PRKCA: variants seen among roughly 807,000 people sequenced by gnomAD.
PRKCA encodes the protein protein kinase C alpha type.
PRKCA carries 27 observed loss-of-function variants against 87.0 expected under a neutral mutation model. The ratio of observed to expected loss-of-function variants is 0.31; its 90% CI spans 0.23 to 0.43. The LOEUF is 0.43. PRKCA is among the 20% of genes least tolerant of loss of function. The pLI is 1.00. For missense variants in PRKCA, 518 were observed against 852.3 expected (o/e 0.61, Z 4.88); for synonymous variants, 329 against 311.1 (o/e 1.06, Z -0.61).
intron 1 of PRKCA, 52 bp downstream of exon 1, chr17:66,303,076 C>T (rs1904600050): frequency 6.3e-7 from 1 of 1,576,388 alleles, no homozygotes; most frequent in Non-Finnish European, 8.6e-7. Context: ...CTCCGGGTCC[C>T]GGCACCCGGC....
intron 14 of PRKCA, chr17:66,777,701 C>T (rs908610145): frequency 2.0e-6 from 2 of 985,270 alleles, no homozygotes; most frequent in African/African-American, 1.7e-5. Context: ...GTCTGGAAAA[C>T]AAACCCTGCT....
intron 3 of PRKCA, among the ~76,000 whole-genome samples, chr17:66,534,803 C>T (rs990167075): frequency 6.6e-6 from 1 of 152,192 alleles, no homozygotes; most frequent in African/African-American, 2.4e-5. Context: ...TGACTCTCTC[C>T]TGTATGATTC....
In PRKCA at chr17:66,475,789, C is replaced by T. The variant is rs377035924; in HGVS notation, c.206-20412C>T. Among the ~76,000 whole-genome samples the T allele has an allele frequency of 8.5e-5, 13 of 152,318 alleles. No homozygotes were observed. In the East Asian group the frequency reaches 2.5e-3, roughly 29 times the overall value. On this transcript the variant is annotated intron_variant, in intron 2 of 16. Transcript: ENST00000413366. ...TAATGCCCAGGGGACTGAGTGCCAT[C>T]ACACATAATTGTGGAACGAGAGATT...
chr17:66,459,887 G>A (rs1337800485), intron 2 of PRKCA, among the ~76,000 whole-genome samples: 1 of 152,072 alleles, frequency 6.6e-6, no homozygotes, highest in Admixed American at 6.5e-5. Context: ...CCCAGCTGGT[G>A]TTTGTCAGGG....
intron 16 of PRKCA, among the ~76,000 whole-genome samples, chr17:66,794,887 G>A (rs1975631665): frequency 6.6e-6 from 1 of 152,126 alleles, no homozygotes; most frequent in South Asian, 2.1e-4. Flanking sequence ...GCCTCCCAAA[G>A]TGCTGAGATT....
chr17:66,382,370 C>T lies in PRKCA; in HGVS notation c.205+76243C>T, dbSNP rs192763758. Among the ~76,000 whole-genome samples, 336 of 152,310 alleles carry T rather than the reference C, an allele frequency of 2.2e-3. 1 individual carries two copies. Among genetic ancestry groups the T allele is most frequent in the African/African-American group, 7.7e-3 (320 of 41,578 alleles). On this transcript the variant is annotated intron_variant, in intron 2 of 16. Coordinates refer to ENST00000413366, the MANE Select transcript of PRKCA (RefSeq NM_002737.3). The stretch of plus-strand genomic sequence containing the variant: ...AGGCTGGAGTGCAGTGGCACAATCT[C>T]AGCTCACTGCAACTTCACCTCCCAG...
intron 3 of PRKCA, among the ~76,000 whole-genome samples, chr17:66,593,277 T>C (rs1053121634): frequency 6.6e-6 from 1 of 152,184 alleles, no homozygotes; most frequent in Admixed American, 6.5e-5. Flanking sequence ...ATGTGGTCAT[T>C]CAGGGACCTG....
At chr17:66,421,680 C>G (rs2143793831) in intron 2 of PRKCA, among the ~76,000 whole-genome samples, 1 of 151,478 alleles carries the variant, frequency 6.6e-6, no homozygotes, top group East Asian at 1.9e-4. Context: ...TTACAGGCAC[C>G]CGCCACCAGG....
At chr17:66,448,630 C>T (rs749608753) in intron 2 of PRKCA, among the ~76,000 whole-genome samples, 12 of 152,078 alleles carry the variant, frequency 7.9e-5, no homozygotes, top group Non-Finnish European at 1.5e-4. Flanking sequence ...GCATAATTCA[C>T]GTTATAAGGA....
At chr17:66,367,267 G>A (rs1908783953) in intron 2 of PRKCA, among the ~76,000 whole-genome samples, 1 of 152,232 alleles carries the variant, frequency 6.6e-6, no homozygotes, top group African/African-American at 2.4e-5. Context: ...TTCAGCACAA[G>A]TGCGCAGGCC....
chr17:66,496,507 C>G (rs991678155), intron 3 of PRKCA, among the ~76,000 whole-genome samples: 1 of 152,132 alleles, frequency 6.6e-6, no homozygotes, highest in African/African-American at 2.4e-5. Flanking sequence ...ATGTACTGTT[C>G]CACTTTGGGC....
At chr17:66,680,459 AG>A (rs1555634896) in intron 5 of PRKCA, among the ~76,000 whole-genome samples, 3 of 152,036 alleles carry the variant, frequency 2.0e-5, no homozygotes, top group Non-Finnish European at 4.4e-5. Context: ...GTGCTCTTAG[AG>A]GGGGGGAGAA....
chr17:66,776,501 G>C (rs1312034895), intron 14 of PRKCA, among the ~76,000 whole-genome samples: 2 of 152,002 alleles, frequency 1.3e-5, no homozygotes, highest in Non-Finnish European at 2.9e-5. Flanking sequence ...GTAAAGACGG[G>C]GTTTCACCAT....
At chr17:66,356,755 T>C (rs1319075379) in intron 2 of PRKCA, among the ~76,000 whole-genome samples, 1 of 152,222 alleles carries the variant, frequency 6.6e-6, no homozygotes, top group African/African-American at 2.4e-5. Flanking sequence ...ATTTTTTAAA[T>C]ATTTTTTTAA....
chr17:66,392,454 T>G (rs1457927346), intron 2 of PRKCA, among the ~76,000 whole-genome samples: 2 of 152,202 alleles, frequency 1.3e-5, no homozygotes, highest in African/African-American at 4.8e-5. Context: ...TACTATCTCC[T>G]CAAAAAACTC....
At chr17:66,578,305 A>G (rs1343600188) in intron 3 of PRKCA, among the ~76,000 whole-genome samples, 1 of 152,096 alleles carries the variant, frequency 6.6e-6, no homozygotes, top group Non-Finnish European at 1.5e-5. Flanking sequence ...GCACATGGTC[A>G]TGTCCCCATG....
intron 8 of PRKCA, among the ~76,000 whole-genome samples, chr17:66,718,414 G>A (rs9899372): frequency 0.01 from 1,596 of 152,320 alleles, 36 homozygotes; most frequent in African/African-American, 0.036. Context: ...CTGGGCTCAA[G>A]CAATCCTCCT....
At chr17:66,515,357 A>G (rs1284325357) in intron 3 of PRKCA, among the ~76,000 whole-genome samples, 1 of 151,784 alleles carries the variant, frequency 6.6e-6, no homozygotes, top group Non-Finnish European at 1.5e-5. Flanking sequence ...GGATTGCCTT[A>G]CCATGTGTGC....
Position 66,556,927 on chromosome 17 carries a change from G to A in PRKCA, c.288+60644G>A, listed in dbSNP as rs539717451. On this transcript the variant is annotated intron_variant, in intron 3 of 16. Coordinates refer to ENST00000413366, the MANE Select transcript of PRKCA (RefSeq NM_002737.3). ...AATACACTACTACCTGATACTCCCCGGGGAAGAACCCCACAGCATCAGGAT... is the reference window on the plus strand; with the variant it reads ...AATACACTACTACCTGATACTCCCCAGGGAAGAACCCCACAGCATCAGGAT... Among the ~76,000 whole-genome samples, 7 of 152,178 alleles carry A rather than the reference G, an allele frequency of 4.6e-5. No individual in the cohort carries two copies. In the South Asian group the frequency reaches 8.3e-4, roughly 18 times the overall value.
Sources: gnomAD v4.1 joint callset for allele counts (sites outside exome capture counted in the v4.1 genomes callset) on GRCh38, gnomAD v4.1.1 for gene constraint, MANE v1.5 for transcripts, NCBI Gene and HGNC (gene_info 2026-07-23, HGNC 2026-07-21) for gene names.